The following BRAF variants were observed in gnomAD, a reference collection of about 807,000 sequenced individuals.
BRAF encodes the protein B-Raf proto-oncogene, serine/threonine kinase.
Under a neutral mutation model 104.6 loss-of-function variants are expected in BRAF, and 16 were observed. That is an observed-to-expected ratio of 0.15 (90% CI 0.10 to 0.23). The LOEUF (loss-of-function observed/expected upper bound fraction) is 0.23, where lower values mean the gene tolerates loss of function less well. Among genes scored for constraint, BRAF ranks in the 10% least tolerant of loss-of-function variants. BRAF has a pLI of 1.00. For missense variants in BRAF, 541 were observed against 937.3 expected, an observed-to-expected ratio of 0.58 and a Z score of 5.52; for synonymous variants, 310 against 341.6, an observed-to-expected ratio of 0.91 and a Z score of 1.02.
chr7:140,754,066 A>T, intron 15 of BRAF, 121 bp downstream of exon 14: 3 of 1,060,402 alleles, frequency 2.8e-6, no homozygotes, highest in South Asian at 1.3e-5. Context: ...ATCCTTTATT[A>T]ATTCTCTTTA....
At position 140,875,748 on chromosome 7, in the gene BRAF, G is replaced by A. The variant is rs1219556898; in HGVS notation, c.139-25536C>T. Among the ~76,000 whole-genome samples the A allele has an allele frequency of 9.2e-5, 14 of 152,222 alleles. No homozygotes were observed. In the East Asian group the frequency reaches 2.7e-3, roughly 29 times the overall value. On this transcript the variant is annotated intron_variant, in intron 1 of 19. Transcript: ENST00000644969. ...GGGAACACCACTTCAAATGACAACAGGTTTCTCAGCAGAAACCATGAAGGC... is the reference window on the plus strand; with the variant it reads ...GGGAACACCACTTCAAATGACAACAAGTTTCTCAGCAGAAACCATGAAGGC...
chr7:140,764,396 G>A lies in BRAF; in HGVS notation c.1815-10163C>T, dbSNP rs1477455728. Among the ~76,000 whole-genome samples the A allele has an allele frequency of 2.0e-5, 3 of 149,720 alleles. No homozygotes were observed. The South Asian group carries it at 6.5e-4, about 32-fold the overall frequency. On this transcript the variant is annotated intron_variant, in intron 14 of 19. Transcript: ENST00000644969. Reference sequence around the variant, plus strand: ...CCTTTGAAAACTGGCACAAGACAGGGATGCCCTCTCTCACCACTCCTATTC... The same window carrying A: ...CCTTTGAAAACTGGCACAAGACAGGAATGCCCTCTCTCACCACTCCTATTC...
At chr7:140,897,938 G>A (rs908176419) in intron 1 of BRAF, among the ~76,000 whole-genome samples, 8 of 152,138 alleles carry the variant, frequency 5.3e-5, no homozygotes, top group African/African-American at 1.7e-4. Flanking sequence ...AGTGTCTCAC[G>A]TCTGTAATCC....
At chr7:140,807,075 G>A (rs1474494784) in intron 5 of BRAF, among the ~76,000 whole-genome samples, 2 of 152,296 alleles carry the variant, frequency 1.3e-5, no homozygotes, top group Admixed American at 6.5e-5. Context: ...TAGGGGATAA[G>A]TTCTCAAGTT....
chr7:140,803,473 T>C (rs1000654387), intron 5 of BRAF, among the ~76,000 whole-genome samples: 11 of 152,182 alleles, frequency 7.2e-5, no homozygotes, highest in African/African-American at 1.7e-4. Context: ...CAATTATTTA[T>C]AAAACTAGTA....
At chr7:140,809,737 G>A (rs1400140957) in intron 3 of BRAF, among the ~76,000 whole-genome samples, 3 of 152,142 alleles carry the variant, frequency 2.0e-5, no homozygotes, top group Non-Finnish European at 2.9e-5. Flanking sequence ...TAGATTTGCA[G>A]AAGATACAAA....
intron 16 of BRAF, among the ~76,000 whole-genome samples, chr7:140,752,109 TAAC>T (rs1797840833): frequency 1.3e-5 from 2 of 152,302 alleles, no homozygotes; most frequent in South Asian, 2.1e-4. Context: ...ACTAAAATAA[TAAC>T]AAGTAGATGT....
chr7:140,825,079 T>C (rs894488496), intron 3 of BRAF, among the ~76,000 whole-genome samples: 7 of 151,818 alleles, frequency 4.6e-5, no homozygotes, highest in Admixed American at 4.6e-4. Context: ...CAAGCAATTT[T>C]CTGCCTCAGC....
chr7:140,913,356 T>C (rs1023091059), intron 1 of BRAF, among the ~76,000 whole-genome samples: 8 of 151,544 alleles, frequency 5.3e-5, no homozygotes, highest in African/African-American at 1.9e-4. Flanking sequence ...TGGCATATAG[T>C]AGGCACTCAA....
At chr7:140,878,239 T>C (rs1235918564) in intron 1 of BRAF, among the ~76,000 whole-genome samples, 1 of 152,108 alleles carries the variant, frequency 6.6e-6, no homozygotes, top group Non-Finnish European at 1.5e-5. Context: ...GCAATAAATG[T>C]CCACCCCTAC....
At chr7:140,832,179 G>A (rs1026280319) in intron 3 of BRAF, among the ~76,000 whole-genome samples, 1 of 152,144 alleles carries the variant, frequency 6.6e-6, no homozygotes, top group African/African-American at 2.4e-5. Flanking sequence ...CAAGTGTTTA[G>A]CGTGCTATCT....
At chr7:140,770,695 G>T (rs984949481) in intron 14 of BRAF, among the ~76,000 whole-genome samples, 2 of 152,000 alleles carry the variant, frequency 1.3e-5, no homozygotes, top group Non-Finnish European at 1.5e-5. Context: ...CAGCACTTTG[G>T]GAGGCCGAGG....
chr7:140,827,362 A>G (rs761207515), intron 3 of BRAF, among the ~76,000 whole-genome samples: 1 of 152,162 alleles, frequency 6.6e-6, no homozygotes, highest in African/African-American at 2.4e-5. Context: ...CCTGAGTGCT[A>G]TTACCACTCC....
chr7:140,887,016 G>C (rs1183593580), intron 1 of BRAF, among the ~76,000 whole-genome samples: 2 of 152,202 alleles, frequency 1.3e-5, no homozygotes, highest in African/African-American at 4.8e-5. Flanking sequence ...AAGAAGTAAT[G>C]AGAGTCTGAA....
At chr7:140,877,378 T>A (rs1464027709) in intron 1 of BRAF, among the ~76,000 whole-genome samples, 4 of 150,474 alleles carry the variant, frequency 2.7e-5, no homozygotes, top group African/African-American at 9.8e-5. Context: ...GCCTCCCAAA[T>A]AGCTGGAATT....
chr7:140,739,457 T>G (rs1796717388), intron 18 of BRAF, among the ~76,000 whole-genome samples: 1 of 148,462 alleles, frequency 6.7e-6, no homozygotes, highest in African/African-American at 2.4e-5. Flanking sequence ...TTCATTAATA[T>G]TTTAAAAAAT....
intron 8 of BRAF, among the ~76,000 whole-genome samples, chr7:140,793,719 G>T (rs886938147): frequency 6.6e-6 from 1 of 152,082 alleles, no homozygotes; most frequent in Non-Finnish European, 1.5e-5. Context: ...TTGACCTCCT[G>T]GGCTCAAGCA....
chr7:140,845,914 C>A (rs1460799443), intron 2 of BRAF, among the ~76,000 whole-genome samples: 1 of 152,082 alleles, frequency 6.6e-6, no homozygotes, highest in Admixed American at 6.6e-5. Flanking sequence ...CTCCTGACCT[C>A]GTGATCCGCC....
chr7:140,713,761 G>C, the BRAF span, among the ~76,000 whole-genome samples: 3 of 152,202 alleles, frequency 2.0e-5, no homozygotes, highest in Admixed American at 2.0e-4. Context: ...GGTCTTTGAT[G>C]ATGGTGACGT....
Sources: allele counts gnomAD v4.1 joint callset (sites outside exome capture counted in the v4.1 genomes callset), GRCh38; gene constraint gnomAD v4.1.1; transcripts MANE v1.5; gene names NCBI Gene and HGNC (gene_info 2026-07-23, HGNC 2026-07-21).